Variants in TYMS observed in about 807,000 individuals in gnomAD.
TYMS encodes the protein thymidylate synthetase.
In TYMS, 21 loss-of-function variants were observed where a neutral mutation model predicts 39.3. The observed-to-expected ratio is 0.54, with a 90% confidence interval of 0.38 to 0.77. TYMS has a LOEUF of 0.77. TYMS is among the 30% of genes least tolerant of loss of function. TYMS has a pLI of 0.00. For synonymous variants in TYMS, 171 were observed against 162.2 expected, an observed-to-expected ratio of 1.05 and a Z score of -0.41; for missense variants, 273 against 406.7, an observed-to-expected ratio of 0.67 and a Z score of 2.83.
chr18:665,843 T>C (rs56405278), intron 3 of TYMS, among the ~76,000 whole-genome samples: 1 of 97,214 alleles, frequency 1.0e-5, no homozygotes, highest in Non-Finnish European at 1.9e-5. Flanking sequence ...GTTTCTTAGT[T>C]CTGAGTTCTA....
intron 3 of TYMS, among the ~76,000 whole-genome samples, 164 bp downstream of exon 3, chr18:662,484 C>T (rs1308124047): frequency 6.8e-6 from 1 of 147,650 alleles, no homozygotes; most frequent in Non-Finnish European, 1.5e-5. Flanking sequence ...AATTAAGCCT[C>T]ATGAAGGCCG....
intron 4 of TYMS, among the ~76,000 whole-genome samples, chr18:669,860 G>A (rs1047721385): frequency 6.6e-6 from 1 of 151,732 alleles, no homozygotes; most frequent in Admixed American, 6.6e-5. Flanking sequence ...AACTCCAGAG[G>A]CCAAGGCGAG....
rs2075161370 is a variant in TYMS, at chr18:673,418, C to G, written c.*421C>G. Reference sequence around the variant, plus strand: ...GAGGGAGCTGAGTAACACCATCGATCATGATGTAGAGTGTGGTTATGAACT... The same window carrying G: ...GAGGGAGCTGAGTAACACCATCGATGATGATGTAGAGTGTGGTTATGAACT... On this transcript the variant is annotated 3_prime_UTR_variant, in exon 7 of 7. Transcript: ENST00000323274. 1 of 222,282 alleles carries G rather than the reference C, an allele frequency of 4.5e-6. No homozygotes were observed. Among genetic ancestry groups the G allele is most frequent in the Non-Finnish European group, 8.9e-6 (1 of 112,532 alleles). 13.8% of individuals were successfully genotyped at this position (222,282 alleles called of 1,614,324 possible). A position where few individuals can be genotyped will look rare whatever the true frequency, so the allele number is the denominator to read the frequency against.
In TYMS at chr18:658,192, C is replaced by G; in HGVS notation, c.205+245C>G. 6.5e-7 allele frequency: 1 copy of G among 1,542,910 alleles called. No homozygotes were observed. Among genetic ancestry groups the G allele is most frequent in the Non-Finnish European group, 8.8e-7 (1 of 1,142,008 alleles). ...GAGGTAAGCCGCGTCCCAGCGGCTC[C>G]GCGGCCGGGCTCGCAGTCGCCCCAG... is the stretch of plus-strand genomic sequence containing the variant. On this transcript the variant is annotated intron_variant, in intron 1 of 6. Transcript: ENST00000323274. The surrounding 1 kb of genome is among the most constrained non-coding windows in gnomAD (Gnocchi z 4.5).
intron 3 of TYMS, among the ~76,000 whole-genome samples, chr18:665,117 G>A (rs887930727): frequency 6.6e-6 from 1 of 151,122 alleles, no homozygotes; most frequent in Non-Finnish European, 1.5e-5. Context: ...TTGTACCTCT[G>A]GTAGAATTCG....
intron 4 of TYMS, among the ~76,000 whole-genome samples, chr18:669,818 C>T (rs948922922): frequency 1.4e-5 from 2 of 143,466 alleles, no homozygotes; most frequent in Non-Finnish European, 3.1e-5. Flanking sequence ...GGTGTAGAGC[C>T]AGGTGTGGTG....
rs2074716721 is a variant in TYMS, at chr18:658,383, A to C, written c.205+436A>C. On this transcript the variant is annotated intron_variant, in intron 1 of 6. Coordinates refer to ENST00000323274, the MANE Select transcript of TYMS (RefSeq NM_001071.4). The surrounding 1 kb of genome is among the most constrained non-coding windows in gnomAD (Gnocchi z 4.5). ...ATTCCGCTTCGCAGCGTTTTCAAAA[A>C]CTGGAGCGAAAGTGATGTGGGCGGG... is the stretch of plus-strand genomic sequence containing the variant. 4 of 1,264,268 alleles carry C rather than the reference A, an allele frequency of 3.2e-6. No homozygotes were observed. The highest frequency in any genetic ancestry group is 1.6e-5 in the African/African-American group (1 of 63,606). 78.3% of individuals were successfully genotyped at this position (1,264,268 alleles called of 1,614,324 possible). A position where few individuals can be genotyped will look rare whatever the true frequency, so the allele number is the denominator to read the frequency against.
At chr18:661,526 C>T (rs1292435025) in intron 2 of TYMS, among the ~76,000 whole-genome samples, 1 of 152,196 alleles carries the variant, frequency 6.6e-6, no homozygotes, top group East Asian at 1.9e-4. Flanking sequence ...CATTAAGAAA[C>T]ATAAAACTGT....
chr18:661,393 A>G (rs1174661956), intron 2 of TYMS, among the ~76,000 whole-genome samples: 1 of 152,244 alleles, frequency 6.6e-6, no homozygotes, highest in African/African-American at 2.4e-5. Context: ...AGGCACCTGC[A>G]CTGTAAAATA....
intron 6 of TYMS, chr18:671,723 A>G: frequency 2.1e-6 from 1 of 473,432 alleles, no homozygotes; most frequent in Non-Finnish European, 3.7e-6. Flanking sequence ...GATTGTCCAA[A>G]AGGGGGCATT....
chr18:669,268 C>G, intron 4 of TYMS, 95 bp downstream of exon 4: 1 of 997,074 alleles, frequency 1.0e-6, no homozygotes, highest in Admixed American at 2.3e-5. Context: ...AGGCAGGACC[C>G]TGGGAACTTC....
intron 3 of TYMS, among the ~76,000 whole-genome samples, chr18:665,974 A>G (rs1465445023): frequency 1.0e-4 from 10 of 96,624 alleles, no homozygotes; most frequent in African/African-American, 3.4e-4. Flanking sequence ...TGCGGTGCTG[A>G]AAAAAATGTA....
At chr18:668,929 T>G (rs910329187) in intron 3 of TYMS, 143 bp from the exon 4 acceptor site, 1 of 604,126 alleles carries the variant, frequency 1.7e-6, no homozygotes, top group Non-Finnish European at 2.8e-6. Context: ...ATCTGCAAAC[T>G]TTGCAGGATG....
chr18:672,918 T>C lies in TYMS; in HGVS notation c.863T>C (p.Ile288Thr), dbSNP rs778541361. 1.3e-6 allele frequency: 2 copies of C among 1,598,354 alleles called. No homozygotes were observed. Among genetic ancestry groups the C allele is most frequent in the Non-Finnish European group, 1.7e-6 (2 of 1,167,744 alleles). Residue 288 changes from isoleucine to threonine, a missense_variant, in exon 7 of 7, where the codon ATT becomes ACT. Physicochemically the swap from Ile to Thr is moderately conservative, Grantham distance 89 (BLOSUM62 -1). Transcript: ENST00000323274. ...KLRILRKVEK[I>T]DDFKAEDFQI... Reference sequence around the variant, plus strand: ...AGGATTCTTCGAAAAGTTGAGAAAATTGATGACTTCAAAGCTGAAGACTTT... The same window carrying C: ...AGGATTCTTCGAAAAGTTGAGAAAACTGATGACTTCAAAGCTGAAGACTTT...
chr18:667,729 G>T (rs945879886), intron 3 of TYMS: 1 of 152,186 alleles, frequency 6.6e-6, no homozygotes, highest in Non-Finnish European at 1.5e-5. Flanking sequence ...AAAAGCTGCT[G>T]CGTGGGCCAA....
Position 672,990 on chromosome 18 carries a change from C to CTGTT in TYMS, c.937_940dup (p.Ter314CysfsTer16). On this transcript the variant is annotated frameshift_variant, in exon 7 of 7. Transcript: ENST00000323274. LOFTEE classifies it high-confidence loss of function. ...CATCCAACTATTAAAATGGAAATGG[C>CTGTT]TGTTTAGGGTGCTTTCAAAGGAGCT... is the stretch of plus-strand genomic sequence containing the variant. 6.4e-7 allele frequency: 1 copy of CTGTT among 1,563,532 alleles called. No homozygotes were observed. The highest frequency in any genetic ancestry group is 8.8e-7 in the Non-Finnish European group (1 of 1,141,728).
At chr18:668,021 A>G (rs2074890905) in intron 3 of TYMS, among the ~76,000 whole-genome samples, 1 of 78,726 alleles carries the variant, frequency 1.3e-5, no homozygotes. Context: ...TAATGCACAG[A>G]AAGTTTCCCT....
chr18:670,565 C>G, intron 4 of TYMS, 127 bp from the exon 5 acceptor site: 1 of 973,820 alleles, frequency 1.0e-6, no homozygotes. Flanking sequence ...ATCACTGCAG[C>G]CCAGTGGCTC....
Position 658,218 on chromosome 18 carries a change from T to A in TYMS, c.205+271T>A. The A allele has an allele frequency of 6.6e-7, 1 of 1,517,336 alleles. No individual in the cohort carries two copies. Among genetic ancestry groups the A allele is most frequent in the Non-Finnish European group, 8.9e-7 (1 of 1,125,136 alleles). 94.0% of individuals were successfully genotyped at this position (1,517,336 alleles called of 1,614,324 possible). The stretch of plus-strand genomic sequence containing the variant: ...GCGGCCGGGCTCGCAGTCGCCCCAG[T>A]GATGCCGTGGCCCCCGAGGCGGGCG... On this transcript the variant is annotated intron_variant, in intron 1 of 6. Transcript: ENST00000323274. The surrounding 1 kb of genome is among the most constrained non-coding windows in gnomAD (Gnocchi z 4.5).
Sources: gnomAD v4.1 joint callset for allele counts (sites outside exome capture counted in the v4.1 genomes callset) on GRCh38, gnomAD v4.1.1 for gene constraint, Gnocchi (gnomAD v3.1) non-coding constraint, MANE v1.5 for transcripts, NCBI Gene and HGNC (gene_info 2026-07-23, HGNC 2026-07-21) for gene names.